Variants in MOB2 observed in about 807,000 individuals in gnomAD.
MOB2 encodes MOB kinase activator 2.
In MOB2, 14 loss-of-function variants were observed where a neutral mutation model predicts 27.4. The observed-to-expected ratio is 0.51, with a 90% CI of 0.34 to 0.80. The LOEUF (loss-of-function observed/expected upper bound fraction) is 0.80. MOB2 is among the 30% of genes least tolerant of loss of function. MOB2 has a pLI of 0.01. For missense variants in MOB2, 304 were observed against 354.6 expected, an observed-to-expected ratio of 0.86 and a Z score of 1.15; for synonymous variants, 167 against 151.8, an observed-to-expected ratio of 1.10 and a Z score of -0.74.
At chr11:1,476,947 G>A (rs942780888) in intron 3 of MOB2, among the ~76,000 whole-genome samples, 4 of 152,038 alleles carry the variant, frequency 2.6e-5, no homozygotes, top group East Asian at 1.9e-4. Context: ...AACTTACTTC[G>A]TATGGTTTTG....
rs1235658304 is a variant in MOB2 at position 1,470,557 on chromosome 11, C to A, written c.491-69G>T. 6 of 1,520,030 alleles carry A rather than the reference C, an allele frequency of 3.9e-6. No homozygotes were observed. The African/African-American group carries it at 6.8e-5, about 17-fold the overall frequency. 94.2% of individuals were successfully genotyped at this position (1,520,030 alleles called of 1,614,324 possible). On this transcript the variant is annotated intron_variant, in intron 4 of 4. Transcript: ENST00000329957. ...CCCAACAGAGGCCAGGCCCCTGGCA[C>A]CCAGCCTGGTGGGTCTGGTACCTGC...
chr11:1,485,691 C>T (rs368623730), intron 1 of MOB2, among the ~76,000 whole-genome samples: 1 of 151,978 alleles, frequency 6.6e-6, no homozygotes, highest in Admixed American at 6.5e-5. Context: ...GCTGGCTGTG[C>T]CTGCCCCACT....
intron 3 of MOB2, among the ~76,000 whole-genome samples, chr11:1,477,506 C>A (rs557342099): frequency 6.6e-6 from 1 of 152,116 alleles, no homozygotes; most frequent in Non-Finnish European, 1.5e-5. Context: ...GGAGATGGGG[C>A]CTTTGGGAGG....
chr11:1,471,815 T>G, intron 3 of MOB2: 1 of 162,220 alleles, frequency 6.2e-6, no homozygotes, highest in Non-Finnish European at 1.3e-5. Context: ...GCTCCTTCTC[T>G]TCCCAGGAAG....
chr11:1,476,565 A>G (rs1847854480), intron 3 of MOB2, among the ~76,000 whole-genome samples: 1 of 152,168 alleles, frequency 6.6e-6, no homozygotes, highest in South Asian at 2.1e-4. Flanking sequence ...AAGTCATCAC[A>G]TTTTGATTTC....
chr11:1,484,500 C>T (rs968092806), intron 1 of MOB2, among the ~76,000 whole-genome samples: 1 of 152,028 alleles, frequency 6.6e-6, no homozygotes, highest in Admixed American at 6.5e-5. Flanking sequence ...GTGACCCCTT[C>T]CCCCAAGACC....
intron 1 of MOB2, among the ~76,000 whole-genome samples, chr11:1,482,100 C>T (rs1196379599): frequency 1.3e-5 from 2 of 152,216 alleles, no homozygotes; most frequent in East Asian, 3.9e-4. Context: ...CCTGTGCTCT[C>T]ACAGCACAGC....
In MOB2 at chr11:1,471,401, G is replaced by A. The variant is rs758630667; in HGVS notation, c.384C>T (p.Asp128=). 1.4e-5 allele frequency: 22 copies of A among 1,612,792 alleles called. 1 individual carries two copies. Among genetic ancestry groups the A allele is most frequent in the Middle Eastern group, 3.3e-4 (2 of 6,082 alleles). Residue 128 remains aspartate (D), a synonymous_variant, in exon 4 of 5, where the codon GAC becomes GAT. Transcript: ENST00000329957. ...TGCACTTGACCTTCTTCCCCCGCTC[G>A]TCATACCAGTAGTACTGTCTGTGGA... ...AVCNTQYYWY[D]ERGKKVKCTA... is the part of the protein sequence containing the mutation.
intron 3 of MOB2, among the ~76,000 whole-genome samples, chr11:1,474,135 G>A (rs953594087): frequency 1.3e-5 from 2 of 152,254 alleles, no homozygotes; most frequent in Admixed American, 1.3e-4. Context: ...GTGGACATGG[G>A]TCTGCCCATG....
At position 1,470,224 on chromosome 11, in the gene MOB2, T is replaced by A. The variant is rs1316081190; in HGVS notation, c.755A>T (p.Asp252Val). 4 of 1,612,126 alleles carry A rather than the reference T, an allele frequency of 2.5e-6. No individual in the cohort carries two copies. The highest frequency in any genetic ancestry group is 3.4e-6 in the Non-Finnish European group (4 of 1,179,766). Residue 252 changes from aspartate (D) to valine (V), a missense_variant, in exon 5 of 5, where the codon GAT becomes GTT. Physicochemically the swap from Asp to Val is radical, Grantham distance 152. Transcript: ENST00000329957. ...AGGVHSGGSG[D>V]GAGSGGPGAQ... is the part of the protein sequence containing the mutation. ...TCCCGGGCCCCCGCTGCCGGCCCCA[T>A]CCCCACTGCCCCCACTGTGGACCCC...
At chr11:1,480,349 C>T (rs985323157) in intron 3 of MOB2, 44 bp downstream of exon 3, 13 of 1,575,604 alleles carry the variant, frequency 8.3e-6, no homozygotes, top group Admixed American at 6.7e-5. Flanking sequence ...AGAGCCCCAC[C>T]GAGTCTCCCA....
At chr11:1,485,081 G>A (rs1043908113) in intron 1 of MOB2, among the ~76,000 whole-genome samples, 2 of 152,178 alleles carry the variant, frequency 1.3e-5, no homozygotes, top group African/African-American at 4.8e-5. Context: ...TCAGCCCCAC[G>A]TGGCCACCAT....
At chr11:1,473,338 T>C (rs1039830270) in intron 3 of MOB2, 11 of 152,362 alleles carry the variant, frequency 7.2e-5, no homozygotes, top group African/African-American at 1.9e-4. Flanking sequence ...CCTCTGAGAA[T>C]GCAGAGACAA....
intron 1 of MOB2, 121 bp from the exon 2 acceptor site, chr11:1,481,006 C>T (rs979781985): frequency 1.1e-5 from 13 of 1,212,614 alleles, no homozygotes; most frequent in African/African-American, 1.5e-5. Flanking sequence ...CGGGGCGACA[C>T]TGCCTCCCTG....
chr11:1,475,102 G>C (rs1847838261), intron 3 of MOB2, among the ~76,000 whole-genome samples: 1 of 152,164 alleles, frequency 6.6e-6, no homozygotes, highest in Non-Finnish European at 1.5e-5. Flanking sequence ...TTCTGTAACA[G>C]CATTTCGTAG....
At chr11:1,476,352 A>G (rs1405339458) in intron 3 of MOB2, among the ~76,000 whole-genome samples, 1 of 152,192 alleles carries the variant, frequency 6.6e-6, no homozygotes, top group Non-Finnish European at 1.5e-5. Flanking sequence ...GAGTTGGTCC[A>G]TTTAACCCAA....
rs374068661 is a variant in MOB2, at chr11:1,480,504, G to C, written c.272-18C>G. ...CGTCGTGGCTGGAAGAGAAGAGAAG[G>C]AGCCAGATGTGAAAAACGCCAGAGC... On this transcript the variant is annotated intron_variant, in intron 2 of 4. Transcript: ENST00000329957. 6.2e-6 allele frequency: 10 copies of C among 1,612,278 alleles called. No individual in the cohort carries two copies. In the African/African-American group the frequency reaches 1.3e-4, roughly 22 times the overall value.
Position 1,485,658 on chromosome 11 carries a change from G to A in MOB2, c.110+789C>T, listed in dbSNP as rs922453437. Among the ~76,000 whole-genome samples, 5 of 152,042 alleles carry A rather than the reference G, an allele frequency of 3.3e-5. No homozygotes were observed. In the East Asian group the frequency reaches 5.8e-4, roughly 18 times the overall value. On this transcript the variant is annotated intron_variant, in intron 1 of 4. Transcript: ENST00000329957. ...ACACCCCCACCAGGCAACCCCACCC[G>A]GGAGGACACACTCACTGCTGCAGCT... is the stretch of plus-strand genomic sequence containing the variant.
chr11:1,476,028 G>A (rs1847849121), intron 3 of MOB2, among the ~76,000 whole-genome samples: 1 of 152,188 alleles, frequency 6.6e-6, no homozygotes, highest in Admixed American at 6.5e-5. Flanking sequence ...GAGCACCCTG[G>A]CACTGCGGCA....
Sources: gnomAD v4.1 joint callset for allele counts (sites outside exome capture counted in the v4.1 genomes callset) on GRCh38, gnomAD v4.1.1 for gene constraint, MANE v1.5 for transcripts, NCBI Gene and HGNC (gene_info 2026-07-23, HGNC 2026-07-21) for gene names.